SMPD3: variants seen among roughly 807,000 people sequenced by gnomAD.
The protein encoded by SMPD3 is nSMase-2.
Under a neutral mutation model 55.7 loss-of-function variants are expected in SMPD3, and 21 were observed. The ratio of observed to expected loss-of-function variants is 0.38; its 90% CI spans 0.27 to 0.54. The LOEUF is 0.54. Among genes scored for constraint, SMPD3 ranks in the 20% least tolerant of loss-of-function variants. The pLI is 0.80. For synonymous variants in SMPD3, 457 were observed against 404.3 expected (o/e 1.13, Z -1.56); for missense variants, 842 against 899.6 (o/e 0.94, Z 0.82).
chr16:68,443,403 G>C (rs555572516), intron 1 of SMPD3, among the ~76,000 whole-genome samples: 2 of 152,350 alleles, frequency 1.3e-5, no homozygotes, highest in African/African-American at 4.8e-5. Context: ...CAATATCTGA[G>C]TGTCTTCAGC....
intron 1 of SMPD3, among the ~76,000 whole-genome samples, chr16:68,414,551 C>T (rs2090325118): frequency 6.6e-6 from 1 of 152,198 alleles, no homozygotes; most frequent in Admixed American, 6.5e-5. Context: ...AGACTCTGGG[C>T]CTGGGAGGCC....
At chr16:68,361,536 A>G (rs2089266850) in intron 8 of SMPD3, 67 bp downstream of exon 8, 3 of 1,578,112 alleles carry the variant, frequency 1.9e-6, no homozygotes, top group Admixed American at 1.7e-5. Context: ...GCGGCTGTCG[A>G]GAGCTGCAGG....
At chr16:68,389,820 A>C (rs1309806484) in intron 1 of SMPD3, among the ~76,000 whole-genome samples, 1 of 152,178 alleles carries the variant, frequency 6.6e-6, no homozygotes, top group Non-Finnish European at 1.5e-5. Context: ...GGTTACCTTT[A>C]AGTCCCCAGT....
At chr16:68,403,439 C>T (rs1237423423) in intron 1 of SMPD3, among the ~76,000 whole-genome samples, 2 of 152,162 alleles carry the variant, frequency 1.3e-5, no homozygotes, top group South Asian at 2.1e-4. Flanking sequence ...CCTGGCCTCA[C>T]CTCTATTTCT....
intron 1 of SMPD3, among the ~76,000 whole-genome samples, chr16:68,432,858 G>T (rs1174766753): frequency 1.3e-5 from 2 of 152,082 alleles, no homozygotes; most frequent in Non-Finnish European, 2.9e-5. Flanking sequence ...AGGCTGGAGT[G>T]CAGTGGTGCG....
intron 2 of SMPD3, among the ~76,000 whole-genome samples, chr16:68,378,281 G>C (rs2089868764): frequency 6.6e-6 from 1 of 152,222 alleles, no homozygotes; most frequent in South Asian, 2.1e-4. Flanking sequence ...CTGCAGAGGA[G>C]TTGGCATGGC....
intron 1 of SMPD3, among the ~76,000 whole-genome samples, chr16:68,412,483 C>T (rs1016095208): frequency 2.0e-5 from 3 of 152,212 alleles, no homozygotes; most frequent in African/African-American, 7.2e-5. Flanking sequence ...AAGTAGAAAG[C>T]AGCTCTGAAG....
chr16:68,371,446 G>T lies in SMPD3; in HGVS notation c.736C>A (p.Arg246Ser). ...CGGCCGCCCTCCTCGCCACCGATGC[G>T]CACGATGCAGGCATCCTCCGGGCTG... ...SSSPEDACIV[R>S]IGGEEGGRPP... is the part of the protein sequence containing the mutation. Residue 246 changes from arginine to serine, a missense_variant, in exon 3 of 9, where the codon CGC becomes AGC. Physicochemically the swap from Arg to Ser is moderately radical, Grantham distance 110 (BLOSUM62 -1). This residue lies in a region of SMPD3 where 649 missense variants were observed against 643.6 expected (regional missense o/e 1.01). Transcript: ENST00000219334. 3 of 1,587,490 alleles carry T rather than the reference G, an allele frequency of 1.9e-6. No homozygotes were observed. Among genetic ancestry groups the T allele is most frequent in the Non-Finnish European group, 1.7e-6 (2 of 1,174,810 alleles).
intron 3 of SMPD3, among the ~76,000 whole-genome samples, chr16:68,366,255 C>G (rs2089475461): frequency 6.6e-6 from 1 of 152,228 alleles, no homozygotes; most frequent in South Asian, 2.1e-4. Context: ...TCGGCAGGCT[C>G]CGTCCTTCCT....
In SMPD3 at chr16:68,361,467, G is replaced by A. The variant is rs1374690724; in HGVS notation, c.1866+136C>T. 1.4e-5 allele frequency: 19 copies of A among 1,403,416 alleles called. No individual in the cohort carries two copies. The East Asian group carries it at 3.0e-4, about 22-fold the overall frequency. 86.9% of individuals were successfully genotyped at this position (1,403,416 alleles called of 1,614,324 possible). A position where few individuals can be genotyped will look rare whatever the true frequency, so the allele number is the denominator to read the frequency against. On this transcript the variant is annotated intron_variant, in intron 8 of 8. Transcript: ENST00000219334. ...GGCCTGGAGGACCTGGGGCCCTAAGGGTCTGAGGGAGTGATGGGTATCATT... is the reference window on the plus strand; with the variant it reads ...GGCCTGGAGGACCTGGGGCCCTAAGAGTCTGAGGGAGTGATGGGTATCATT...
chr16:68,425,971 C>A (rs1166107762), intron 1 of SMPD3, among the ~76,000 whole-genome samples: 1 of 152,172 alleles, frequency 6.6e-6, no homozygotes, highest in Non-Finnish European at 1.5e-5. Context: ...TAAGGGAGCA[C>A]TGAGAGTGGA....
intron 1 of SMPD3, among the ~76,000 whole-genome samples, chr16:68,442,722 C>A (rs931863753): frequency 3.9e-5 from 6 of 152,170 alleles, no homozygotes; most frequent in African/African-American, 1.2e-4. Context: ...TGCCTAGAGA[C>A]CCCCACAAAT....
At chr16:68,365,403 T>G (rs1250321185) in intron 3 of SMPD3, among the ~76,000 whole-genome samples, 1 of 152,074 alleles carries the variant, frequency 6.6e-6, no homozygotes, top group Non-Finnish European at 1.5e-5. Flanking sequence ...CATCTCCCAG[T>G]GACCAGCGTG....
At position 68,370,840 on chromosome 16, in the gene SMPD3, C is replaced by T. The variant is rs542587846; in HGVS notation, c.1323+19G>A. 3 of 1,612,018 alleles carry T rather than the reference C, an allele frequency of 1.9e-6. No individual in the cohort carries two copies. In the African/African-American group the frequency reaches 4.0e-5, roughly 21 times the overall value. On this transcript the variant is annotated intron_variant, in intron 3 of 8. Coordinates refer to ENST00000219334, the MANE Select transcript of SMPD3 (RefSeq NM_018667.4). The stretch of plus-strand genomic sequence containing the variant: ...GACCAGCTGGCACGTGGTCCTCAGG[C>T]TGGGCCGAGGTCTCCTACCTTGAGA...
At chr16:68,424,828 A>C (rs991678346) in intron 1 of SMPD3, among the ~76,000 whole-genome samples, 3 of 152,096 alleles carry the variant, frequency 2.0e-5, no homozygotes, top group Non-Finnish European at 4.4e-5. Flanking sequence ...CTCCCACCTT[A>C]GCTTCCTGAG....
At chr16:68,385,101 G>A (rs866361365) in intron 2 of SMPD3, among the ~76,000 whole-genome samples, 15 of 152,274 alleles carry the variant, frequency 9.9e-5, no homozygotes, top group Middle Eastern at 3.4e-3. Context: ...CAGAGAATAT[G>A]CTTTTCACAC....
intron 1 of SMPD3, among the ~76,000 whole-genome samples, chr16:68,433,837 T>C (rs1035253941): frequency 6.6e-6 from 1 of 152,094 alleles, no homozygotes; most frequent in Non-Finnish European, 1.5e-5. Context: ...ACCCTATCTA[T>C]GAGAATGAGT....
At chr16:68,435,606 G>A (rs1297350314) in intron 1 of SMPD3, among the ~76,000 whole-genome samples, 2 of 152,318 alleles carry the variant, frequency 1.3e-5, no homozygotes, top group East Asian at 1.9e-4. Context: ...GGGCTGGCTG[G>A]GGTGGGAGGG....
chr16:68,362,713 A>G (rs1016336742), intron 7 of SMPD3, among the ~76,000 whole-genome samples: 2 of 152,248 alleles, frequency 1.3e-5, no homozygotes, highest in African/African-American at 4.8e-5. Context: ...AAATACACTA[A>G]TGACATTCAG....
Sources: gnomAD v4.1 joint callset for allele counts (sites outside exome capture counted in the v4.1 genomes callset) on GRCh38, gnomAD v4.1.1 for gene constraint, gnomAD v4.1.1 regional missense constraint, MANE v1.5 for transcripts, NCBI Gene and HGNC (gene_info 2026-07-23, HGNC 2026-07-21) for gene names.